SGO1: variants seen among roughly 807,000 people sequenced by gnomAD.
SGO1 encodes shugoshin 1, also known as serologically defined breast cancer antigen NY-BR-85.
SGO1 carries 39 observed loss-of-function variants against 50.5 expected under a neutral mutation model. That is an observed-to-expected ratio of 0.77 (90% confidence interval 0.60 to 1.01). The LOEUF is 1.01. Among genes scored for constraint, SGO1 ranks in the 50% least tolerant of loss-of-function variants. SGO1 has a pLI of 0.00. For missense variants in SGO1, 638 were observed against 606.0 expected, an observed-to-expected ratio of 1.05 and a Z score of -0.55; for synonymous variants, 191 against 205.1, an observed-to-expected ratio of 0.93 and a Z score of 0.59.
At chr3:20,172,501 C>CAAAAA (rs60237637) in intron 6 of SGO1, among the ~76,000 whole-genome samples, 1 of 102,584 alleles carries the variant, frequency 9.7e-6, no homozygotes, top group Non-Finnish European at 2.0e-5. Context: ...AACTCTGTTT[C>CAAAAA]AAAAAAAAAA....
At chr3:20,164,036 G>C (rs1301265612) in intron 8 of SGO1, among the ~76,000 whole-genome samples, 1 of 152,122 alleles carries the variant, frequency 6.6e-6, no homozygotes, top group African/African-American at 2.4e-5. Flanking sequence ...TACACAAACT[G>C]TTTCAGAAAA....
At chr3:20,176,716 C>A in intron 4 of SGO1, 57 bp from the exon 5 acceptor site, 4 of 1,131,996 alleles carry the variant, frequency 3.5e-6, no homozygotes, top group Non-Finnish European at 1.3e-6. Flanking sequence ...AAAACAAATT[C>A]AGTATTTTCC....
downstream of SGO1, chr3:20,169,347 T>A (rs376009870): frequency 1.2e-5 from 12 of 983,782 alleles, no homozygotes; most frequent in East Asian, 9.1e-4. Flanking sequence ...ATACTAAGGA[T>A]TAACTCACCT....
At chr3:20,169,289 G>T (rs1700487231), downstream of SGO1, 11 of 984,890 alleles carry the variant, frequency 1.1e-5, no homozygotes, top group Non-Finnish European at 1.3e-5. Context: ...GTGTTAGGTT[G>T]AAAGTATGGA....
At chr3:20,185,146 A>G (rs555273763) in intron 1 of SGO1, among the ~76,000 whole-genome samples, 7 of 152,214 alleles carry the variant, frequency 4.6e-5, no homozygotes, top group Non-Finnish European at 7.3e-5. Context: ...GGTATATACA[A>G]TATGTACTGG....
chr3:20,161,988 T>G (rs1575170523), intron 8 of SGO1, among the ~76,000 whole-genome samples: 1 of 152,280 alleles, frequency 6.6e-6, no homozygotes, highest in East Asian at 1.9e-4. Context: ...CTATATTTCT[T>G]CCCAACGTAG....
chr3:20,161,332 T>TA (rs1700028474), intron 8 of SGO1: 6 of 1,389,764 alleles, frequency 4.3e-6, no homozygotes, highest in South Asian at 3.4e-5. Context: ...GAGCTCACAA[T>TA]AAAAAATTAG....
At position 20,174,825 on chromosome 3, in the gene SGO1, G is replaced by A. The variant is rs764800545; in HGVS notation, c.706C>T (p.His236Tyr). Residue 236 changes from histidine (H) to tyrosine (Y), a missense_variant, in exon 6 of 8, where the codon CAC becomes TAC. Coordinates refer to ENST00000412997, the MANE Select transcript of SGO1 (RefSeq NM_001199251.3). ...TTGTGTTGTACATTTTCAGGTATGTGCATGTTTACTAGTGGGTCTAAAAAT... is the reference window on the plus strand; with the variant it reads ...TTGTGTTGTACATTTTCAGGTATGTACATGTTTACTAGTGGGTCTAAAAAT... ...VGFLDPLVNMHIPENVQHNAC... is the reference protein window; with the variant it reads ...VGFLDPLVNMYIPENVQHNAC... 3 of 1,613,900 alleles carry A rather than the reference G, an allele frequency of 1.9e-6. No homozygotes were observed. Among genetic ancestry groups the A allele is most frequent in the African/African-American group, 1.3e-5 (1 of 74,884 alleles).
At chr3:20,162,823 G>C (rs1198348655) in intron 8 of SGO1, among the ~76,000 whole-genome samples, 1 of 150,822 alleles carries the variant, frequency 6.6e-6, no homozygotes, top group South Asian at 2.1e-4. Flanking sequence ...ACAATATCAT[G>C]ACAGAAAAAA....
At chr3:20,186,591 C>T (rs977090105), upstream of SGO1, 1 of 152,262 alleles carries the variant, frequency 6.6e-6, no homozygotes, top group South Asian at 2.1e-4. Flanking sequence ...GGTCAGCCAG[C>T]TTGCAACACG....
chr3:20,178,335 A>G lies in SGO1; in HGVS notation c.352T>C (p.Cys118Arg), dbSNP rs763030228. The G allele has an allele frequency of 3.7e-6, 6 of 1,611,348 alleles. No individual in the cohort carries two copies. The highest frequency in any genetic ancestry group is 1.3e-5 in the African/African-American group (1 of 74,868). Residue 118 changes from cysteine to arginine, a missense_variant, in exon 4 of 8, where the codon TGT (cysteine) becomes CGT (arginine). Cys to Arg is a radical substitution (Grantham distance 180, BLOSUM62 -3). Coordinates refer to ENST00000412997, the MANE Select transcript of SGO1 (RefSeq NM_001199251.3). Reference protein sequence around the residue: ...TVEPAQNQEICSSGMDPNSDD... With the variant: ...TVEPAQNQEIRSSGMDPNSDD... ...CTATTGGGGTCCATTCCAGAGGAAC[A>G]TATTTCCTGGTTCTGTTAATGTATT...
intron 6 of SGO1, among the ~76,000 whole-genome samples, chr3:20,171,903 G>A (rs1425457590): frequency 6.6e-6 from 1 of 152,132 alleles, no homozygotes; most frequent in Non-Finnish European, 1.5e-5. Context: ...TATATTGGGA[G>A]GCAAATGTCC....
At chr3:20,178,649 T>C (rs935174951) in intron 3 of SGO1, among the ~76,000 whole-genome samples, 10 of 152,218 alleles carry the variant, frequency 6.6e-5, no homozygotes, top group Non-Finnish European at 1.2e-4. Context: ...GATTGCTCTT[T>C]TAAATACAGT....
At chr3:20,175,165 T>C (rs1285551823) in intron 5 of SGO1, 110 bp from the exon 6 acceptor site, 5 of 1,104,454 alleles carry the variant, frequency 4.5e-6, no homozygotes, top group African/African-American at 1.6e-5. Context: ...GGTCATTCTG[T>C]AGTTTTCCTA....
Position 20,174,404 on chromosome 3 carries a change from TCTC to T in SGO1, c.1124_1126del (p.Gly375del). Reference sequence around the variant, plus strand: ...GGGCAAATAGAGGTCATCGGAATCATCTCCTGAACCACTTGATTCACAGAGGCT... The same window carrying T: ...GGGCAAATAGAGGTCATCGGAATCATCTGAACCACTTGATTCACAGAGGCT... On this transcript the variant is annotated inframe_deletion, in exon 6 of 8. Coordinates refer to ENST00000412997, the MANE Select transcript of SGO1 (RefSeq NM_001199251.3). 1 of 1,614,176 alleles carries T rather than the reference TCTC, an allele frequency of 6.2e-7. No homozygotes were observed. Among genetic ancestry groups the T allele is most frequent in the South Asian group, 1.1e-5 (1 of 91,078 alleles).
chr3:20,176,063 G>A (rs966316396), intron 5 of SGO1, among the ~76,000 whole-genome samples: 4 of 152,068 alleles, frequency 2.6e-5, no homozygotes, highest in Admixed American at 6.5e-5. Context: ...TCCTTCCTTC[G>A]ACGTCTGGTT....
chr3:20,174,752 A>G lies in SGO1; in HGVS notation c.779T>C (p.Ile260Thr), dbSNP rs1252479403. ...TGTTTTAGTAAACGTTCCTGGCTGAATCAGCTTTGGTGATAAGTTAACTTG... is the reference window on the plus strand; with the variant it reads ...TGTTTTAGTAAACGTTCCTGGCTGAGTCAGCTTTGGTGATAAGTTAACTTG... The part of the protein sequence containing the change: ...KDQVNLSPKL[I>T]QPGTFTKTKE... The change falls in exon 6 of 8, where the codon ATT becomes ACT. Residue 260 changes from isoleucine (I) to threonine (T), a missense_variant. Transcript: ENST00000412997. 1.1e-5 allele frequency: 18 copies of G among 1,614,036 alleles called. No individual in the cohort carries two copies. Among genetic ancestry groups the G allele is most frequent in the Non-Finnish European group, 1.5e-5 (18 of 1,180,020 alleles).
At chr3:20,184,163 C>G (rs1416279047) in intron 1 of SGO1, 129 bp from the exon 2 acceptor site, 1 of 588,716 alleles carries the variant, frequency 1.7e-6, no homozygotes. Flanking sequence ...AGATAGTTAA[C>G]CAACTTGATA....
chr3:20,170,501 G>C lies in SGO1; in HGVS notation c.*203C>G. 2 of 1,142,014 alleles carry C rather than the reference G, an allele frequency of 1.8e-6. No individual in the cohort carries two copies. Among genetic ancestry groups the C allele is most frequent in the Non-Finnish European group, 2.1e-6 (2 of 931,710 alleles). The allele number at this position is 1,142,014 out of a possible 1,614,324, so 70.7% of individuals were successfully genotyped here. ...TAAGCTCAGTTATTTATATTCAAAA[G>C]AAAAAATAAATTAAATTTATTAAAG... On this transcript the variant is annotated 3_prime_UTR_variant, in exon 8 of 8. Coordinates refer to ENST00000412997, the MANE Select transcript of SGO1 (RefSeq NM_001199251.3).
Sources: allele counts gnomAD v4.1 joint callset (sites outside exome capture counted in the v4.1 genomes callset), GRCh38; gene constraint gnomAD v4.1.1; transcripts MANE v1.5; gene names NCBI Gene and HGNC (gene_info 2026-07-23, HGNC 2026-07-21).